Variants in FILIP1L observed in about 807,000 individuals in gnomAD.
The protein encoded by FILIP1L is filamin A-interacting protein 1-like.
FILIP1L carries 55 observed loss-of-function variants against 96.6 expected under a neutral mutation model. The ratio of observed to expected loss-of-function variants is 0.57; its 90% CI spans 0.46 to 0.71. FILIP1L has a LOEUF of 0.71. FILIP1L is among the 30% of genes least tolerant of loss of function. The probability of loss-of-function intolerance (pLI) is 0.00; values close to 1 mark genes in which losing one functional copy is unlikely to be tolerated. For missense variants in FILIP1L, 1,304 were observed against 1,321.2 expected (o/e 0.99, Z 0.20); for synonymous variants, 467 against 473.9 (o/e 0.99, Z 0.19).
At chr3:99,934,653 C>T (rs1707600517) in intron 1 of FILIP1L, among the ~76,000 whole-genome samples, 1 of 152,126 alleles carries the variant, frequency 6.6e-6, no homozygotes, top group African/African-American at 2.4e-5. Flanking sequence ...ATAAGTAGTG[C>T]CCTTTTAGCT....
At chr3:99,895,548 G>A (rs185358833) in intron 4 of FILIP1L, among the ~76,000 whole-genome samples, 10 of 152,056 alleles carry the variant, frequency 6.6e-5, no homozygotes, top group Admixed American at 2.6e-4. Flanking sequence ...TATAGTTTAG[G>A]GAACTTAGTT....
Position 100,058,277 on chromosome 3 carries a change from A to T in FILIP1L, c.-11+55776T>A, listed in dbSNP as rs1172404012. On this transcript the variant is annotated intron_variant, in intron 1 of 5. Coordinates refer to ENST00000477258, the MANE Select transcript of FILIP1L (RefSeq NM_001387850.1). ...TACTGTTCTATGTTCAAGGCACGGA[A>T]CAGAGTTGGAGATTTTAGAAACTGT... Among the ~76,000 whole-genome samples the T allele has an allele frequency of 4.6e-5, 7 of 152,258 alleles. No individual in the cohort carries two copies. The East Asian group carries it at 1.3e-3, about 29-fold the overall frequency.
intron 1 of FILIP1L, among the ~76,000 whole-genome samples, chr3:100,032,785 G>C (rs1338257208): frequency 6.6e-6 from 1 of 152,166 alleles, no homozygotes; most frequent in Non-Finnish European, 1.5e-5. Context: ...TAATGCAGTT[G>C]TGTGTAACAA....
chr3:99,836,235 G>A (rs1407707322), intron 5 of FILIP1L, among the ~76,000 whole-genome samples: 1 of 152,120 alleles, frequency 6.6e-6, no homozygotes, highest in Non-Finnish European at 1.5e-5. Context: ...CAAATAAGTG[G>A]GGAGGACAGA....
chr3:99,856,428 CAT>C (rs1943969874), intron 4 of FILIP1L, among the ~76,000 whole-genome samples: 1 of 152,120 alleles, frequency 6.6e-6, no homozygotes, highest in South Asian at 2.1e-4. Context: ...TTGGAGTACT[CAT>C]ATTCATGTTC....
chr3:99,990,104 A>G (rs1709468975), intron 1 of FILIP1L, among the ~76,000 whole-genome samples: 1 of 152,192 alleles, frequency 6.6e-6, no homozygotes, highest in Non-Finnish European at 1.5e-5. Context: ...AAATATATTG[A>G]ACTTATATTT....
chr3:99,983,462 GTGTATATATATATATATA>G lies in FILIP1L; in HGVS notation c.-10-52450_-10-52433del, dbSNP rs1365719319. 3.1e-3 allele frequency among the ~76,000 whole-genome samples: 37 copies of G among 11,984 alleles called. 1 individual carries two copies. The highest frequency in any genetic ancestry group is 0.029 in the Admixed American group (28 of 966). 7.9% of individuals were successfully genotyped at this position (11,984 alleles called of 152,430 possible). On this transcript the variant is annotated intron_variant, in intron 1 of 5. Coordinates refer to ENST00000477258, the MANE Select transcript of FILIP1L (RefSeq NM_001387850.1). ...TATATGTATGTATATATATATATGT[GTGTATATATATATATATA>G]TATATATATATATATATATATATAT...
intron 3 of FILIP1L, among the ~76,000 whole-genome samples, chr3:99,926,254 T>C (rs1242530370): frequency 2.0e-5 from 3 of 152,254 alleles, no homozygotes; most frequent in Non-Finnish European, 4.4e-5. Context: ...GTAAATTCTC[T>C]CTGACTTCTA....
intron 4 of FILIP1L, among the ~76,000 whole-genome samples, chr3:99,919,044 AT>A (rs954640056): frequency 1.9e-4 from 29 of 152,150 alleles, no homozygotes; most frequent in East Asian, 9.7e-4. Flanking sequence ...CTTTCAAAAT[AT>A]TTTTTTTAAG....
At chr3:99,907,630 A>G (rs528441457) in intron 4 of FILIP1L, among the ~76,000 whole-genome samples, 5 of 152,300 alleles carry the variant, frequency 3.3e-5, no homozygotes, top group Admixed American at 3.3e-4. Context: ...CATTATGTGT[A>G]CTTAAGCCAA....
At chr3:99,900,620 A>G (rs921951139) in intron 4 of FILIP1L, among the ~76,000 whole-genome samples, 4 of 152,204 alleles carry the variant, frequency 2.6e-5, no homozygotes, top group African/African-American at 4.8e-5. Context: ...CCATTTCTTC[A>G]CACACTTAAT....
At chr3:100,081,817 C>T (rs558999578) in intron 1 of FILIP1L, among the ~76,000 whole-genome samples, 1 of 152,122 alleles carries the variant, frequency 6.6e-6, no homozygotes, top group South Asian at 2.1e-4. Context: ...GTCTTAGTTG[C>T]AGAGGGCTGT....
At chr3:99,983,468 A>G (rs12107752) in intron 1 of FILIP1L, among the ~76,000 whole-genome samples, 670 of 6,012 alleles carry the variant, frequency 0.11, 15 homozygotes, top group East Asian at 0.34. Flanking sequence ...ATGTGTGTAT[A>G]TATATATATA....
chr3:99,868,237 G>GC (rs1213957943), intron 4 of FILIP1L, among the ~76,000 whole-genome samples: 7 of 152,184 alleles, frequency 4.6e-5, no homozygotes. Flanking sequence ...AGGAGGGACT[G>GC]CCTTGTAGCA....
chr3:100,085,610 A>G (rs1327635905), intron 1 of FILIP1L, among the ~76,000 whole-genome samples: 1 of 152,152 alleles, frequency 6.6e-6, no homozygotes, highest in Non-Finnish European at 1.5e-5. Flanking sequence ...ATGCAGGCAA[A>G]TAACATCCTC....
At chr3:99,913,329 G>A (rs1308284027) in intron 4 of FILIP1L, among the ~76,000 whole-genome samples, 1 of 152,190 alleles carries the variant, frequency 6.6e-6, no homozygotes, top group Non-Finnish European at 1.5e-5. Context: ...AGCAGCATAT[G>A]AGGGTTCCAG....
intron 1 of FILIP1L, among the ~76,000 whole-genome samples, chr3:99,974,530 A>G (rs182054921): frequency 4.3e-4 from 65 of 152,086 alleles, no homozygotes; most frequent in African/African-American, 1.4e-3. Context: ...ACCAACATGG[A>G]GAAACCCCGT....
In FILIP1L at chr3:100,034,583, G is replaced by A. The variant is rs1173526874; in HGVS notation, c.-11+79470C>T. 2.0e-5 allele frequency among the ~76,000 whole-genome samples: 3 copies of A among 152,128 alleles called. No homozygotes were observed. The East Asian group carries it at 5.8e-4, about 29-fold the overall frequency. The stretch of plus-strand genomic sequence containing the variant: ...ATCCCATCTGAATTGGCTGCTTTTG[G>A]TCATTTAAACATGCTTCCTTATCAG... On this transcript the variant is annotated intron_variant, in intron 1 of 5. Transcript: ENST00000477258.
At chr3:100,093,203 C>T (rs925504894) in intron 1 of FILIP1L, among the ~76,000 whole-genome samples, 2 of 152,086 alleles carry the variant, frequency 1.3e-5, no homozygotes, top group Non-Finnish European at 2.9e-5. Context: ...TAACATATTA[C>T]CAGATATACT....
Sources: allele counts gnomAD v4.1 joint callset (sites outside exome capture counted in the v4.1 genomes callset), GRCh38; gene constraint gnomAD v4.1.1; transcripts MANE v1.5; gene names NCBI Gene and HGNC (gene_info 2026-07-23, HGNC 2026-07-21).